The following CACNA1C variants were observed in gnomAD, a reference collection of about 807,000 sequenced individuals.
CACNA1C encodes voltage-dependent L-type calcium channel subunit alpha-1C.
In CACNA1C, 30 loss-of-function variants were observed where a neutral mutation model predicts 229.0. The ratio of observed to expected loss-of-function variants is 0.13; its 90% confidence interval spans 0.10 to 0.18. CACNA1C has a LOEUF of 0.18. CACNA1C is among the 10% of genes least tolerant of loss of function. CACNA1C has a pLI of 1.00. For synonymous variants in CACNA1C, 1,114 were observed against 1,132.5 expected (o/e 0.98, Z 0.33); for missense variants, 1,658 against 2,845.0 (o/e 0.58, Z 9.49).
intron 3 of CACNA1C, among the ~76,000 whole-genome samples, chr12:2,292,309 A>G (rs1428386600): frequency 1.3e-5 from 2 of 152,244 alleles, no homozygotes; most frequent in African/African-American, 4.8e-5. Flanking sequence ...GGAAGCATGC[A>G]TGTGTTCAGT....
At chr12:2,546,262 T>C (rs560090832) in intron 9 of CACNA1C, among the ~76,000 whole-genome samples, 1 of 152,314 alleles carries the variant, frequency 6.6e-6, no homozygotes, top group Admixed American at 6.5e-5. Flanking sequence ...TACTATTCTG[T>C]GCAGTAGCTG....
intron 3 of CACNA1C, among the ~76,000 whole-genome samples, chr12:2,374,276 G>A (rs898559757): frequency 6.6e-6 from 1 of 152,248 alleles, no homozygotes; most frequent in African/African-American, 2.4e-5. Context: ...ATTGCAGTAT[G>A]TGGGAAATTT....
At chr12:2,035,868 C>T (rs2049044723) in intron 1 of CACNA1C, among the ~76,000 whole-genome samples, 1 of 152,166 alleles carries the variant, frequency 6.6e-6, no homozygotes, top group African/African-American at 2.4e-5. Context: ...TCATTACCAG[C>T]GAGTTCTTCT....
chr12:2,517,415 G>A (rs560817128), intron 9 of CACNA1C, among the ~76,000 whole-genome samples: 1 of 152,310 alleles, frequency 6.6e-6, no homozygotes, highest in African/African-American at 2.4e-5. Context: ...CCCTTCTACA[G>A]CAATGCCAAT....
chr12:2,410,089 T>G lies in CACNA1C; in HGVS notation c.478-38887T>G, dbSNP rs2098789822. Among the ~76,000 whole-genome samples the G allele has an allele frequency of 6.6e-6, 1 of 152,206 alleles. No homozygotes were observed. The highest frequency in any genetic ancestry group is 1.5e-5 in the Non-Finnish European group (1 of 68,034). On this transcript the variant is annotated intron_variant, in intron 3 of 46. Transcript: ENST00000399655. This position sits in a 1 kb window ranked among gnomAD's most constrained non-coding sequence, Gnocchi z 5.3. ...CCGCGGGCCTCAGCAAGCTGGCAGC[T>G]TCGTCCTCTCAGACTGTGGGTTGCT...
intron 5 of CACNA1C, among the ~76,000 whole-genome samples, chr12:2,483,328 C>T (rs547938087): frequency 6.6e-6 from 1 of 152,264 alleles, no homozygotes; most frequent in Non-Finnish European, 1.5e-5. Context: ...GTGACATGTT[C>T]CAGTGTGTAC....
In CACNA1C at chr12:2,086,639, A is replaced by G. The variant is rs184360306; in HGVS notation, c.50-28585A>G. ...GTTACTCCTGGTCAGGTGGCCTTCC[A>G]CATGGTGACTCAGTGAGCATGGTCC... On this transcript the variant is annotated intron_variant, in intron 1 of 46. Coordinates refer to ENST00000399655, the MANE Select transcript of CACNA1C (RefSeq NM_000719.7). 8.5e-3 allele frequency among the ~76,000 whole-genome samples: 1,298 copies of G among 152,342 alleles called. 11 individuals carry two copies. The highest frequency in any genetic ancestry group is 0.013 in the Non-Finnish European group (873 of 68,026).
intron 3 of CACNA1C, among the ~76,000 whole-genome samples, chr12:2,365,241 C>A (rs956098101): frequency 9.2e-5 from 14 of 152,272 alleles, no homozygotes; most frequent in South Asian, 4.2e-4. Context: ...ATGTTAATTC[C>A]TGGAAGACTC....
chr12:2,079,384 A>G (rs1344162758), intron 1 of CACNA1C, among the ~76,000 whole-genome samples: 1 of 152,158 alleles, frequency 6.6e-6, no homozygotes, highest in Non-Finnish European at 1.5e-5. Flanking sequence ...CATTTCTCAC[A>G]ATTCTGGAGG....
intron 3 of CACNA1C, among the ~76,000 whole-genome samples, chr12:2,329,958 G>A (rs988242982): frequency 6.6e-6 from 1 of 152,230 alleles, no homozygotes; most frequent in African/African-American, 2.4e-5. Context: ...AATAACGTTA[G>A]TTGGTTTACA....
Position 2,115,357 on chromosome 12 carries a change from G to A in CACNA1C, c.183G>A (p.Gln61=), listed in dbSNP as rs1184731731. The A allele has an allele frequency of 1.3e-6, 2 of 1,597,796 alleles. No individual in the cohort carries two copies. Among genetic ancestry groups the A allele is most frequent in the South Asian group, 1.1e-5 (1 of 89,090 alleles). Residue 61 remains glutamine (Q), a synonymous_variant, in exon 2 of 47, where the codon CAG becomes CAA. Transcript: ENST00000399655. The stretch of plus-strand genomic sequence containing the variant: ...AGGCGGCCATCGACGCAGCCCGGCA[G>A]GCTAAGCTGATGGGCAGCGCTGGCA... The part of the protein sequence containing the change: ...SWQAAIDAAR[Q]AKLMGSAGNA...
At chr12:2,377,535 C>T (rs1462387474) in intron 3 of CACNA1C, among the ~76,000 whole-genome samples, 1 of 152,120 alleles carries the variant, frequency 6.6e-6, no homozygotes, top group Non-Finnish European at 1.5e-5. Flanking sequence ...TTGCTGTCAG[C>T]ATGGTTCGCG....
intron 3 of CACNA1C, among the ~76,000 whole-genome samples, chr12:2,432,699 A>C (rs2099097946): frequency 6.6e-6 from 1 of 152,158 alleles, no homozygotes; most frequent in Non-Finnish European, 1.5e-5. Flanking sequence ...GGAGTGTGTA[A>C]ATAAGCATCA....
At chr12:1,996,651 AAAAAC>A (rs2040948817) in intron 1 of CACNA1C, among the ~76,000 whole-genome samples, 1 of 40,512 alleles carries the variant, frequency 2.5e-5, no homozygotes, top group African/African-American at 1.4e-4. Flanking sequence ...AAAAAAAAAA[AAAAAC>A]AACAAACTCT....
chr12:2,254,165 C>A (rs2154391949), intron 3 of CACNA1C, among the ~76,000 whole-genome samples: 1 of 152,332 alleles, frequency 6.6e-6, no homozygotes, highest in Non-Finnish European at 1.5e-5. Flanking sequence ...TTTTCTGGAG[C>A]TTTACTGTGT....
intron 19 of CACNA1C, among the ~76,000 whole-genome samples, chr12:2,594,489 A>C (rs1328062533): frequency 6.6e-6 from 1 of 152,082 alleles, no homozygotes; most frequent in Non-Finnish European, 1.5e-5. Context: ...CCAATTTTTT[A>C]TCTTGACCAT....
At chr12:2,230,491 A>T (rs984008755) in intron 3 of CACNA1C, among the ~76,000 whole-genome samples, 3 of 152,218 alleles carry the variant, frequency 2.0e-5, no homozygotes, top group Non-Finnish European at 4.4e-5. Flanking sequence ...CTGAGGGTAG[A>T]ACCTGAGTGT....
At chr12:2,114,501 G>A (rs751490871) in intron 1 of CACNA1C, among the ~76,000 whole-genome samples, 2 of 152,204 alleles carry the variant, frequency 1.3e-5, no homozygotes, top group African/African-American at 2.4e-5. Context: ...TCAATGAAAA[G>A]GGATGTCAGA....
chr12:1,991,226 C>A (rs1245942221), intron 1 of CACNA1C: 4 of 455,962 alleles, frequency 8.8e-6, no homozygotes, highest in Non-Finnish European at 1.3e-5. Context: ...TGCCTCCTCA[C>A]TGGAGTCTCA....
Sources: gnomAD v4.1 joint callset for allele counts (sites outside exome capture counted in the v4.1 genomes callset) on GRCh38, gnomAD v4.1.1 for gene constraint, Gnocchi (gnomAD v3.1) non-coding constraint, MANE v1.5 for transcripts, NCBI Gene and HGNC (gene_info 2026-07-23, HGNC 2026-07-21) for gene names.